The following CDH11 variants were observed in gnomAD, a reference collection of about 807,000 sequenced individuals.
The protein encoded by CDH11 is cadherin-11.
Under a neutral mutation model 67.8 loss-of-function variants are expected in CDH11, and 11 were observed. The ratio of observed to expected loss-of-function variants is 0.16; its 90% confidence interval spans 0.10 to 0.27. The LOEUF (loss-of-function observed/expected upper bound fraction) is 0.27, where lower values mean the gene tolerates loss of function less well. CDH11 is among the 10% of genes least tolerant of loss of function. CDH11 has a pLI of 1.00. For missense variants in CDH11, 847 were observed against 1,031.2 expected (o/e 0.82, Z 2.45); for synonymous variants, 419 against 400.0 (o/e 1.05, Z -0.57).
At chr16:65,076,250 C>T (rs1019988004) in intron 1 of CDH11, among the ~76,000 whole-genome samples, 2 of 152,222 alleles carry the variant, frequency 1.3e-5, no homozygotes, top group African/African-American at 4.8e-5. Flanking sequence ...CTCCCACAAA[C>T]TCCTCTTCCA....
chr16:64,991,681 T>C, intron 6 of CDH11, 87 bp downstream of exon 6: 1 of 893,214 alleles, frequency 1.1e-6, no homozygotes, highest in Non-Finnish European at 1.7e-6. Context: ...TTCTTTTTGA[T>C]ACCTCAGTAA....
At chr16:65,106,108 T>C (rs2075061789) in intron 1 of CDH11, among the ~76,000 whole-genome samples, 1 of 152,186 alleles carries the variant, frequency 6.6e-6, no homozygotes, top group Admixed American at 6.5e-5. Context: ...ATAATACACA[T>C]ATTCTCTGGG....
Position 64,973,046 on chromosome 16 carries a change from C to T in CDH11, c.1254-6G>A. 1 of 1,612,808 alleles carries T rather than the reference C, an allele frequency of 6.2e-7. No homozygotes were observed. The highest frequency in any genetic ancestry group is 8.5e-7 in the Non-Finnish European group (1 of 1,179,458). ...TGTGACGATCGATGGAATACCTAAGCAGAATGCAAATGAGGCAATTAGACC... is the reference window on the plus strand; with the variant it reads ...TGTGACGATCGATGGAATACCTAAGTAGAATGCAAATGAGGCAATTAGACC... On this transcript the variant is annotated splice_region_variant and splice_polypyrimidine_tract_variant and intron_variant, in intron 8 of 12. Coordinates refer to ENST00000268603, the MANE Select transcript of CDH11 (RefSeq NM_001797.4).
intron 2 of CDH11, among the ~76,000 whole-genome samples, chr16:65,016,096 C>T (rs2073300478): frequency 6.6e-6 from 1 of 152,160 alleles, no homozygotes; most frequent in Non-Finnish European, 1.5e-5. Context: ...ATGTACCTCA[C>T]CAAACCACTC....
chr16:65,115,723 A>AC (rs1491429384), intron 1 of CDH11, among the ~76,000 whole-genome samples: 5 of 40,378 alleles, frequency 1.2e-4, no homozygotes, highest in African/African-American at 2.6e-4. Flanking sequence ...AAAAAAAAAC[A>AC]AAAAAACAAA....
intron 2 of CDH11, among the ~76,000 whole-genome samples, chr16:65,035,967 G>A (rs143594541): frequency 1.3e-5 from 2 of 152,250 alleles, no homozygotes; most frequent in East Asian, 3.9e-4. Flanking sequence ...CTTTCTGTCT[G>A]CTCAGGGCTT....
At chr16:65,110,114 A>G (rs2075131215) in intron 1 of CDH11, among the ~76,000 whole-genome samples, 1 of 152,006 alleles carries the variant, frequency 6.6e-6, no homozygotes. Context: ...CAAGCAATCT[A>G]CCTGTCTCAA....
chr16:65,119,841 G>A (rs1274548575), intron 1 of CDH11, among the ~76,000 whole-genome samples: 2 of 152,180 alleles, frequency 1.3e-5, no homozygotes, highest in African/African-American at 4.8e-5. Context: ...CCTTACTCAA[G>A]CAAAGTTTCC....
intron 1 of CDH11, among the ~76,000 whole-genome samples, chr16:65,084,874 C>A (rs956570033): frequency 2.0e-5 from 3 of 152,138 alleles, no homozygotes; most frequent in African/African-American, 7.2e-5. Context: ...TGCATAATTT[C>A]TTTTACTGTC....
At chr16:65,056,518 G>C (rs2074146409) in intron 1 of CDH11, among the ~76,000 whole-genome samples, 1 of 152,182 alleles carries the variant, frequency 6.6e-6, no homozygotes, top group African/African-American at 2.4e-5. Flanking sequence ...CTCAGCAATA[G>C]ATAACTGGAA....
rs748938746 is a variant in CDH11, at chr16:64,947,622, G to A, written c.2372C>T (p.Thr791Ile). The A allele has an allele frequency of 1.9e-6, 3 of 1,607,704 alleles. No homozygotes were observed. The highest frequency in any genetic ancestry group is 2.2e-5 in the East Asian group (1 of 44,746). Residue 791 changes from threonine to isoleucine, a missense_variant, in exon 13 of 13, where the codon ACT (threonine) becomes ATT (isoleucine). By Grantham distance (89) the Thr-to-Ile change is moderately conservative. Transcript: ENST00000268603. Reference sequence around the variant, plus strand: ...TTATTGTTAAGAATCGTCATCAAAAGTGTCTTTGGAACCATACAAATCTGC... The same window carrying A: ...TTATTGTTAAGAATCGTCATCAAAAATGTCTTTGGAACCATACAAATCTGC... Reference protein sequence around the residue: ...KLADLYGSKDTFDDDS With the variant: ...KLADLYGSKDIFDDDS
intron 2 of CDH11, among the ~76,000 whole-genome samples, chr16:65,040,516 T>C (rs1168551508): frequency 7.4e-6 from 1 of 134,512 alleles, no homozygotes; most frequent in Non-Finnish European, 1.5e-5. Context: ...TGAGAACACA[T>C]GGACACAGGA....
intron 11 of CDH11, among the ~76,000 whole-genome samples, chr16:64,956,800 A>G (rs890799603): frequency 6.6e-6 from 1 of 152,126 alleles, no homozygotes; most frequent in Non-Finnish European, 1.5e-5. Flanking sequence ...AAAAGTTCCT[A>G]ATAATGATGA....
chr16:65,041,793 C>T (rs2142669387), intron 2 of CDH11, among the ~76,000 whole-genome samples: 1 of 152,320 alleles, frequency 6.6e-6, no homozygotes, highest in African/African-American at 2.4e-5. Context: ...CACAGACTTT[C>T]CTGCTGGGAG....
chr16:64,954,254 C>G (rs756520083), intron 11 of CDH11, among the ~76,000 whole-genome samples: 1 of 152,176 alleles, frequency 6.6e-6, no homozygotes. Context: ...TCAGTAGGAT[C>G]GCAAGAACTT....
intron 1 of CDH11, among the ~76,000 whole-genome samples, chr16:65,077,955 A>G (rs1260736278): frequency 6.6e-6 from 1 of 152,198 alleles, no homozygotes; most frequent in East Asian, 1.9e-4. Flanking sequence ...CATTCACAGA[A>G]GTGGAAATAC....
chr16:65,023,190 T>A (rs2142584527), intron 2 of CDH11, among the ~76,000 whole-genome samples: 1 of 152,290 alleles, frequency 6.6e-6, no homozygotes, highest in South Asian at 2.1e-4. Flanking sequence ...TGCATCAGGC[T>A]ACCAAGCCAA....
chr16:64,950,564 A>G (rs1001674009), intron 12 of CDH11, among the ~76,000 whole-genome samples: 1 of 151,992 alleles, frequency 6.6e-6, no homozygotes, highest in Non-Finnish European at 1.5e-5. Context: ...TCCCTGCAAT[A>G]TTCCATCAAA....
chr16:65,041,546 G>T (rs1008164715), intron 2 of CDH11, among the ~76,000 whole-genome samples: 7 of 152,138 alleles, frequency 4.6e-5, no homozygotes, highest in African/African-American at 1.4e-4. Flanking sequence ...GCACATAATT[G>T]AAATAAAATA....
Sources: allele counts gnomAD v4.1 joint callset (sites outside exome capture counted in the v4.1 genomes callset), GRCh38; gene constraint gnomAD v4.1.1; transcripts MANE v1.5; gene names NCBI Gene and HGNC (gene_info 2026-07-23, HGNC 2026-07-21).